MIPOL1: variants seen among roughly 807,000 people sequenced by gnomAD.
MIPOL1 encodes mirror-image polydactyly gene 1 protein.
A neutral mutation model predicts 60.9 loss-of-function variants in MIPOL1; 57 were observed. The observed-to-expected ratio is 0.94, with a 90% confidence interval of 0.76 to 1.17. The LOEUF (loss-of-function observed/expected upper bound fraction) is 1.17, where lower values mean the gene tolerates loss of function less well. Ranked by LOEUF, MIPOL1 falls within the 50% of genes most tolerant of loss-of-function variation. The pLI, the probability that MIPOL1 is intolerant of heterozygous loss-of-function variation, is 0.00. For missense variants in MIPOL1, 551 were observed against 511.6 expected (o/e 1.08, Z -0.74); for synonymous variants, 179 against 168.8 (o/e 1.06, Z -0.47).
intron 10 of MIPOL1, among the ~76,000 whole-genome samples, chr14:37,391,195 G>T (rs992259818): frequency 6.6e-6 from 1 of 151,806 alleles, no homozygotes; most frequent in Admixed American, 6.6e-5. Context: ...ATGTGACATA[G>T]TGGCACATAA....
At chr14:37,470,010 T>C (rs548786570) in intron 11 of MIPOL1, among the ~76,000 whole-genome samples, 1 of 152,280 alleles carries the variant, frequency 6.6e-6, no homozygotes, top group Non-Finnish European at 1.5e-5. Context: ...TAAAACAGCA[T>C]AATTAGATTG....
intron 3 of MIPOL1, among the ~76,000 whole-genome samples, chr14:37,249,072 G>A (rs1594730716): frequency 1.3e-5 from 2 of 151,826 alleles, no homozygotes; most frequent in African/African-American, 4.8e-5. Context: ...TAAGGGAGGG[G>A]GCAAGAGATA....
At chr14:37,282,860 C>T (rs1316208975) in intron 6 of MIPOL1, among the ~76,000 whole-genome samples, 1 of 151,444 alleles carries the variant, frequency 6.6e-6, no homozygotes. Context: ...AGTCAGTTCA[C>T]ACCCTGGGCT....
At chr14:37,363,290 G>T (rs775816341) in intron 9 of MIPOL1, among the ~76,000 whole-genome samples, 2 of 152,104 alleles carry the variant, frequency 1.3e-5, no homozygotes, top group Non-Finnish European at 2.9e-5. Flanking sequence ...TACAGTTGGG[G>T]TTTTGGTGTA....
intron 10 of MIPOL1, among the ~76,000 whole-genome samples, chr14:37,405,912 T>C (rs1595626382): frequency 6.6e-6 from 1 of 151,664 alleles, no homozygotes; most frequent in South Asian, 2.1e-4. Flanking sequence ...TTTTTTTTTT[T>C]CAGTTTTCAT....
intron 11 of MIPOL1, among the ~76,000 whole-genome samples, chr14:37,495,220 G>T (rs1466969958): frequency 2.0e-5 from 3 of 147,628 alleles, no homozygotes; most frequent in Admixed American, 6.8e-5. Context: ...ATGCTGGTGC[G>T]CTGCACCCAC....
chr14:37,383,153 C>T (rs2092971301), intron 10 of MIPOL1, among the ~76,000 whole-genome samples: 1 of 151,712 alleles, frequency 6.6e-6, no homozygotes. Flanking sequence ...TTTGTACGTT[C>T]TTAATAATTT....
intron 9 of MIPOL1, among the ~76,000 whole-genome samples, chr14:37,360,749 TG>T (rs1459416392): frequency 6.6e-6 from 1 of 152,222 alleles, no homozygotes; most frequent in Admixed American, 6.5e-5. Context: ...TCAATTTTGT[TG>T]ATCTTTTCAA....
intron 12 of MIPOL1, among the ~76,000 whole-genome samples, chr14:37,538,512 A>G (rs1377877921): frequency 6.6e-6 from 1 of 152,212 alleles, no homozygotes; most frequent in Non-Finnish European, 1.5e-5. Flanking sequence ...TTGCTGGGGA[A>G]AATGAGCTAT....
intron 6 of MIPOL1, chr14:37,276,242 T>A (rs931172586): frequency 3.3e-5 from 5 of 151,070 alleles, no homozygotes; most frequent in Non-Finnish European, 6.0e-5. Context: ...TTTCTCTGCA[T>A]GCAAATTTAG....
At chr14:37,363,945 G>A (rs771017026) in intron 9 of MIPOL1, among the ~76,000 whole-genome samples, 4 of 152,208 alleles carry the variant, frequency 2.6e-5, no homozygotes, top group Non-Finnish European at 4.4e-5. Flanking sequence ...CGAGCCAGGC[G>A]TGGGAGAAAA....
chr14:37,551,798 G>C (rs1263402162), downstream of MIPOL1: 1 of 151,170 alleles, frequency 6.6e-6, no homozygotes, highest in Non-Finnish European at 1.5e-5. Context: ...AGAATGGCGT[G>C]AACCCGGAAG....
intron 9 of MIPOL1, among the ~76,000 whole-genome samples, chr14:37,360,375 A>C (rs2092153697): frequency 6.6e-6 from 1 of 152,074 alleles, no homozygotes; most frequent in South Asian, 2.1e-4. Context: ...TATTGATTGG[A>C]ATAGTTTCAG....
intron 11 of MIPOL1, among the ~76,000 whole-genome samples, chr14:37,475,491 T>C (rs759754836): frequency 6.6e-6 from 1 of 152,178 alleles, no homozygotes; most frequent in African/African-American, 2.4e-5. Context: ...TAACAACTGA[T>C]CATCAAGCCC....
rs188440129 is a variant in MIPOL1, at chr14:37,423,050, T to C, written c.1031+101T>C. 4.5e-5 allele frequency: 32 copies of C among 704,906 alleles called. No homozygotes were observed. In the African/African-American group the frequency reaches 5.8e-4, roughly 13 times the overall value. The allele number at this position is 704,906 out of a possible 1,614,324, so 43.7% of individuals were successfully genotyped here. On this transcript the variant is annotated intron_variant, in intron 11 of 12. Transcript: ENST00000684589. ...GAATGAGGAAATACCTCAATGAAAT[T>C]AAATATTATGCACTTAAAGCATTTT... is the stretch of plus-strand genomic sequence containing the variant.
At chr14:37,225,703 CT>C (rs1190908619) in intron 1 of MIPOL1, among the ~76,000 whole-genome samples, 1 of 151,556 alleles carries the variant, frequency 6.6e-6, no homozygotes, top group Non-Finnish European at 1.5e-5. Flanking sequence ...TCCCCATTGT[CT>C]TGGGGATTAA....
In MIPOL1 at chr14:37,481,601, AC is replaced by A. The variant is rs1315585333; in HGVS notation, c.1032-18306del. 1.1e-3 allele frequency among the ~76,000 whole-genome samples: 163 copies of A among 143,248 alleles called. 2 individuals carry two copies. Among genetic ancestry groups the A allele is most frequent in the African/African-American group, 3.8e-3 (147 of 39,140 alleles). The allele number at this position is 143,248 out of a possible 152,430, so 94.0% of individuals were successfully genotyped here. On this transcript the variant is annotated intron_variant, in intron 11 of 12. Transcript: ENST00000684589. The stretch of plus-strand genomic sequence containing the variant: ...CACACACACACACACACACACACAC[AC>A]ACACACACACCGAAACCACATAGCC...
At chr14:37,306,818 G>C (rs926657829) in intron 7 of MIPOL1, among the ~76,000 whole-genome samples, 15 of 151,584 alleles carry the variant, frequency 9.9e-5, no homozygotes, top group Non-Finnish European at 1.6e-4. Flanking sequence ...TTTGAAAATT[G>C]TTCATTTATT....
intron 11 of MIPOL1, among the ~76,000 whole-genome samples, chr14:37,443,945 A>G (rs1217336542): frequency 2.0e-5 from 3 of 152,118 alleles, no homozygotes; most frequent in African/African-American, 7.2e-5. Flanking sequence ...GATGAAATTC[A>G]AAACCCATTC....
Sources: gnomAD v4.1 joint callset for allele counts (sites outside exome capture counted in the v4.1 genomes callset) on GRCh38, gnomAD v4.1.1 for gene constraint, MANE v1.5 for transcripts, NCBI Gene and HGNC (gene_info 2026-07-23, HGNC 2026-07-21) for gene names.